Variants in SLC26A7 observed in about 807,000 individuals in gnomAD.
SLC26A7 encodes solute carrier family 26 member 7.
In SLC26A7, 59 loss-of-function variants were observed where a neutral mutation model predicts 82.5. The observed-to-expected ratio is 0.72, with a 90% CI of 0.58 to 0.89. The LOEUF (loss-of-function observed/expected upper bound fraction) is 0.89. Ranked by LOEUF, SLC26A7 falls within the 40% of genes least tolerant of loss-of-function variation. The pLI, the probability that SLC26A7 is intolerant of heterozygous loss-of-function variation, is 0.00. For missense variants in SLC26A7, 820 were observed against 793.0 expected (o/e 1.03, Z -0.41); for synonymous variants, 271 against 274.3 (o/e 0.99, Z 0.12).
chr8:91,360,591 C>T (rs939151178), intron 11 of SLC26A7, among the ~76,000 whole-genome samples: 8 of 152,114 alleles, frequency 5.3e-5, no homozygotes, highest in Admixed American at 1.3e-4. Flanking sequence ...TAATAGATGA[C>T]GTTGTGGGAG....
intron 2 of SLC26A7, among the ~76,000 whole-genome samples, chr8:91,237,080 G>A (rs1036150583): frequency 1.3e-5 from 2 of 152,308 alleles, no homozygotes; most frequent in African/African-American, 4.8e-5. Flanking sequence ...TGACAGATGT[G>A]CTCCCTGGTA....
At position 91,338,168 on chromosome 8, in the gene SLC26A7, G is replaced by A. The variant is rs1488057930; in HGVS notation, c.814G>A (p.Ala272Thr). The A allele has an allele frequency of 5.6e-6, 9 of 1,609,848 alleles. No individual in the cohort carries two copies. The East Asian group carries it at 2.0e-4, about 36-fold the overall frequency. The change falls in exon 7 of 19, where the codon GCT becomes ACT. Residue 272 changes from alanine (A) to threonine (T), a missense_variant. Ala to Thr is a moderately conservative substitution (Grantham distance 58). Transcript: ENST00000276609. ...CACACAGATTATTGCTGCATCATTT[G>A]CTTGTTATTGCACCAATATGGAAAA... ...DLVLIIAASF[A>T]CYCTNMENTY... is the part of the protein sequence containing the mutation.
chr8:91,219,611 A>T (rs955579853), intron 2 of SLC26A7, among the ~76,000 whole-genome samples: 12 of 152,210 alleles, frequency 7.9e-5, no homozygotes, highest in Admixed American at 7.2e-4. Context: ...TAAGGACAAC[A>T]GAAAAGTAGA....
chr8:91,253,301 T>C (rs1192342389), intron 2 of SLC26A7, among the ~76,000 whole-genome samples: 1 of 152,076 alleles, frequency 6.6e-6, no homozygotes, highest in Non-Finnish European at 1.5e-5. Context: ...CATTCTCAAC[T>C]CTTTCCTCTC....
chr8:91,218,842 T>C (rs1448787953), intron 1 of SLC26A7: 2 of 1,177,984 alleles, frequency 1.7e-6, no homozygotes, highest in Non-Finnish European at 1.2e-6. Flanking sequence ...TAATGAAAAA[T>C]ACTTATTGAA....
intron 2 of SLC26A7, among the ~76,000 whole-genome samples, chr8:91,262,791 C>T (rs1313442098): frequency 6.6e-6 from 1 of 151,750 alleles, no homozygotes; most frequent in African/African-American, 2.4e-5. Flanking sequence ...AATTTGTGGA[C>T]TATAAAATGT....
At chr8:91,394,260 A>G in intron 18 of SLC26A7, 1 of 1,613,406 alleles carries the variant, frequency 6.2e-7, no homozygotes, top group Non-Finnish European at 8.5e-7. Context: ...TCTTCCAACA[A>G]TGCCACCGCT....
At chr8:91,214,430 C>G (rs1490861365) in intron 1 of SLC26A7, among the ~76,000 whole-genome samples, 1 of 152,170 alleles carries the variant, frequency 6.6e-6, no homozygotes, top group African/African-American at 2.4e-5. Flanking sequence ...TTTCCAACAA[C>G]TGTTCATTCT....
In SLC26A7 at chr8:91,318,332, C is replaced by T; in HGVS notation, c.594C>T (p.Leu198=). Reference sequence around the variant, plus strand: ...TGGTGACTTCACAAGTCAAATATCTCTTGGGAATGAAAATGCCATATATAT... The same window carrying T: ...TGGTGACTTCACAAGTCAAATATCTTTTGGGAATGAAAATGCCATATATAT... ...THVVTSQVKY[L]LGMKMPYISG... The change falls in exon 5 of 19, where the codon CTC becomes CTT. Residue 198 remains leucine (L), a synonymous_variant. Coordinates refer to ENST00000276609, the MANE Select transcript of SLC26A7 (RefSeq NM_052832.4). 6.2e-7 allele frequency: 1 copy of T among 1,612,342 alleles called. No homozygotes were observed. Among genetic ancestry groups the T allele is most frequent in the Non-Finnish European group, 8.5e-7 (1 of 1,179,134 alleles).
Position 91,379,186 on chromosome 8 carries a change from G to A in SLC26A7, c.1675+9353G>A, listed in dbSNP as rs1814599734. Among the ~76,000 whole-genome samples, 3 of 152,090 alleles carry A rather than the reference G, an allele frequency of 2.0e-5. No individual in the cohort carries two copies. The South Asian group carries it at 6.2e-4, about 32-fold the overall frequency. On this transcript the variant is annotated intron_variant, in intron 15 of 18. Coordinates refer to ENST00000276609, the MANE Select transcript of SLC26A7 (RefSeq NM_052832.4). ...AGCAAGTAAATATTTATAAATAAAT[G>A]GAGGGAAGCACAATGCCCATTGATT...
In SLC26A7 at chr8:91,319,983, T is replaced by C. The variant is rs190365360; in HGVS notation, c.642+1603T>C. The stretch of plus-strand genomic sequence containing the variant: ...CGGTTAAAGGTTTTGTGTGTGATTT[T>C]GTTTTTCATTTTGTATTTTTGAGGG... On this transcript the variant is annotated intron_variant, in intron 5 of 18. Coordinates refer to ENST00000276609, the MANE Select transcript of SLC26A7 (RefSeq NM_052832.4). Among the ~76,000 whole-genome samples the C allele has an allele frequency of 5.9e-5, 9 of 152,348 alleles. No homozygotes were observed. The East Asian group carries it at 1.7e-3, about 29-fold the overall frequency.
At chr8:91,394,412 G>C in intron 18 of SLC26A7, 1 of 1,446,600 alleles carries the variant, frequency 6.9e-7, no homozygotes, top group Non-Finnish European at 9.1e-7. Flanking sequence ...AGTTTTTTCT[G>C]CTCTGATATC....
intron 2 of SLC26A7, among the ~76,000 whole-genome samples, chr8:91,240,529 A>G (rs1355629682): frequency 6.6e-6 from 1 of 152,182 alleles, no homozygotes; most frequent in Non-Finnish European, 1.5e-5. Flanking sequence ...CTTCCAATAA[A>G]TGAGAAACTT....
At chr8:91,301,649 T>A (rs1028357410) in intron 4 of SLC26A7, among the ~76,000 whole-genome samples, 1 of 152,072 alleles carries the variant, frequency 6.6e-6, no homozygotes, top group Non-Finnish European at 1.5e-5. Context: ...GTTACTTTTT[T>A]AAGAAAACCA....
chr8:91,269,836 T>A (rs761245727), intron 2 of SLC26A7, among the ~76,000 whole-genome samples: 1 of 152,154 alleles, frequency 6.6e-6, no homozygotes, highest in Non-Finnish European at 1.5e-5. Context: ...TTGAGCTCGC[T>A]TAGTCTTTCC....
intron 16 of SLC26A7, 108 bp from the exon 17 acceptor site, chr8:91,393,689 T>G: frequency 8.2e-7 from 1 of 1,216,010 alleles, no homozygotes; most frequent in Non-Finnish European, 1.2e-6. Flanking sequence ...TGGTTTGACT[T>G]CGTAAACATC....
chr8:91,342,129 C>T (rs537792720), intron 8 of SLC26A7, among the ~76,000 whole-genome samples: 2 of 151,694 alleles, frequency 1.3e-5, no homozygotes, highest in Non-Finnish European at 2.9e-5. Flanking sequence ...GGGGGTCTTG[C>T]TGTGTTGCTC....
At chr8:91,242,557 T>C (rs1210429087) in intron 2 of SLC26A7, among the ~76,000 whole-genome samples, 3 of 152,104 alleles carry the variant, frequency 2.0e-5, no homozygotes, top group Admixed American at 6.6e-5. Context: ...TAGGTTTGGA[T>C]AAGGTCATGA....
chr8:91,326,289 A>C (rs898616848), intron 5 of SLC26A7, among the ~76,000 whole-genome samples: 1 of 152,192 alleles, frequency 6.6e-6, no homozygotes, highest in Admixed American at 6.5e-5. Flanking sequence ...AAACTATCAC[A>C]GACGAGGTGG....
Sources: allele counts gnomAD v4.1 joint callset (sites outside exome capture counted in the v4.1 genomes callset), GRCh38; gene constraint gnomAD v4.1.1; transcripts MANE v1.5; gene names NCBI Gene and HGNC (gene_info 2026-07-23, HGNC 2026-07-21).